Variants in CTSB observed in about 807,000 individuals in gnomAD.
CTSB encodes APP secretase.
CTSB carries 57 observed loss-of-function variants against 44.3 expected under a neutral mutation model. The observed-to-expected ratio is 1.29, with a 90% CI of 1.04 to 1.60. The LOEUF is 1.60. Ranked by LOEUF, CTSB falls within the 40% of genes most tolerant of loss-of-function variation. The pLI, the probability that CTSB is intolerant of heterozygous loss-of-function variation, is 0.00. For synonymous variants in CTSB, 320 were observed against 168.0 expected, an observed-to-expected ratio of 1.91 and a Z score of -7.00; for missense variants, 768 against 443.0, an observed-to-expected ratio of 1.73 and a Z score of -6.59.
In CTSB at chr8:11,847,533, G is replaced by T. The variant is rs1176779478; in HGVS notation, c.676+146C>A. ...AGTGGAGAGTGTGCTGCTTCTCCTG[G>T]CAAGAGGGCATCACTCCCCCTCCTC... On this transcript the variant is annotated intron_variant, in intron 7 of 9. Transcript: ENST00000353047. 4.6e-6 allele frequency: 4 copies of T among 871,068 alleles called. No homozygotes were observed. In the African/African-American group the frequency reaches 5.1e-5, roughly 11 times the overall value. The allele number at this position is 871,068 out of a possible 1,614,324, so 54.0% of individuals were successfully genotyped here.
rs749555363 is a variant in CTSB at position 11,843,619 on chromosome 8, G to C, written c.*1506C>G. On this transcript the variant is annotated 3_prime_UTR_variant, in exon 10 of 10. Transcript: ENST00000353047. ...CTGACTCCAGCCCAAACCAAGGCTG[G>C]AGGGCATCCAGGGGGATGTGGTTCC... is the stretch of plus-strand genomic sequence containing the variant. 1 of 152,252 alleles carries C rather than the reference G, an allele frequency of 6.6e-6. No individual in the cohort carries two copies. Among genetic ancestry groups the C allele is most frequent in the Admixed American group, 6.5e-5 (1 of 15,294 alleles). The allele number at this position is 152,252 out of a possible 1,614,324, so 9.4% of individuals were successfully genotyped here.
intron 1 of CTSB, among the ~76,000 whole-genome samples, chr8:11,860,199 T>C (rs1051808185): frequency 1.3e-5 from 2 of 152,192 alleles, no homozygotes; most frequent in Non-Finnish European, 2.9e-5. Context: ...ATAAGCCAAG[T>C]TGCTAGCTCC....
intron 9 of CTSB, 57 bp downstream of exon 9, chr8:11,845,604 G>T: frequency 6.3e-7 from 1 of 1,583,976 alleles, no homozygotes; most frequent in Admixed American, 1.7e-5. Context: ...AGCCGAGATG[G>T]CCACGGGGTG....
intron 1 of CTSB, among the ~76,000 whole-genome samples, chr8:11,866,721 G>A (rs568630810): frequency 1.7e-4 from 26 of 152,288 alleles, no homozygotes; most frequent in Admixed American, 1.3e-3. Context: ...TTAGCTGGGC[G>A]TGGTGGCGGG....
chr8:11,845,373 C>G, intron 9 of CTSB, 151 bp from the exon 10 acceptor site: 1 of 680,316 alleles, frequency 1.5e-6, no homozygotes, highest in Non-Finnish European at 2.5e-6. Flanking sequence ...GCTTCTGGAG[C>G]CGTGGGGCAC....
chr8:11,862,787 C>G (rs1816622448), intron 1 of CTSB, among the ~76,000 whole-genome samples: 1 of 152,286 alleles, frequency 6.6e-6, no homozygotes, highest in South Asian at 2.1e-4. Flanking sequence ...GGTCATGAGA[C>G]AGCCCGGCCC....
intron 1 of CTSB, chr8:11,867,434 C>T (rs764049939): frequency 2.6e-5 from 4 of 152,328 alleles, no homozygotes; most frequent in Non-Finnish European, 5.9e-5. Context: ...CCCCAGCCCA[C>T]CCAGTGCCAG....
In CTSB at chr8:11,847,067, G is replaced by A. The variant is rs748764371; in HGVS notation, c.778C>T (p.Leu260=). The change falls in exon 8 of 10, where the codon CTG becomes TTG. Residue 260 remains leucine, a synonymous_variant. Coordinates refer to ENST00000353047, the MANE Select transcript of CTSB (RefSeq NM_001908.5). ...EGAFSVYSDF[L]LYKSGVYQHV... The stretch of plus-strand genomic sequence containing the variant: ...CAGCACGCACCTGACTTGTAGAGCA[G>A]GAAGTCCGAATACACAGAGAAAGCT... 36 of 1,602,964 alleles carry A rather than the reference G, an allele frequency of 2.2e-5. No individual in the cohort carries two copies. The highest frequency in any genetic ancestry group is 3.0e-5 in the Non-Finnish European group (35 of 1,170,290).
chr8:11,849,929 G>C (rs566563672), intron 4 of CTSB: 2 of 152,230 alleles, frequency 1.3e-5, no homozygotes, highest in African/African-American at 4.8e-5. Flanking sequence ...AATAAATACT[G>C]TTGTGATCCA....
intron 7 of CTSB, 81 bp from the exon 8 acceptor site, chr8:11,847,249 T>C: frequency 1.1e-6 from 1 of 880,864 alleles, no homozygotes; most frequent in Non-Finnish European, 1.9e-6. Context: ...GTCACTGATT[T>C]CTGGTGGCCT....
intron 1 of CTSB, chr8:11,865,564 G>C (rs918441714): frequency 6.7e-6 from 1 of 149,522 alleles, no homozygotes; most frequent in Non-Finnish European, 1.5e-5. Context: ...CTCCAGCCTG[G>C]GTGAGAGAGT....
chr8:11,865,484 G>C (rs966271254), intron 1 of CTSB: 6 of 145,288 alleles, frequency 4.1e-5, no homozygotes, highest in African/African-American at 1.3e-4. Context: ...AGCTAGTTGA[G>C]AGACTGAGGC....
chr8:11,860,416 G>C (rs1306601962), intron 1 of CTSB, among the ~76,000 whole-genome samples: 3 of 152,200 alleles, frequency 2.0e-5, no homozygotes, highest in Non-Finnish European at 2.9e-5. Context: ...GAGGTCAGGA[G>C]TTCGAGACCA....
intron 1 of CTSB, chr8:11,861,426 C>G (rs1563430825): frequency 6.6e-6 from 1 of 152,448 alleles, no homozygotes; most frequent in Non-Finnish European, 1.5e-5. Flanking sequence ...TCTATGCAAA[C>G]CAGGTACTGC....
rs1812612447 is a variant in CTSB, at chr8:11,843,360, A to G, written c.*1765T>C. ...TGGTTCCTAAATTCTGAGTCACATC[A>G]GAAGCCAAACTTGAATGCTTTTGGA... On this transcript the variant is annotated 3_prime_UTR_variant, in exon 10 of 10. Coordinates refer to ENST00000353047, the MANE Select transcript of CTSB (RefSeq NM_001908.5). 1 of 152,222 alleles carries G rather than the reference A, an allele frequency of 6.6e-6. No individual in the cohort carries two copies. The highest frequency in any genetic ancestry group is 2.4e-5 in the African/African-American group (1 of 41,466). The allele number at this position is 152,222 out of a possible 1,614,324, so 9.4% of individuals were successfully genotyped here.
At chr8:11,856,075 G>C (rs55794022) in intron 1 of CTSB, among the ~76,000 whole-genome samples, 2 of 152,014 alleles carry the variant, frequency 1.3e-5, no homozygotes, top group African/African-American at 2.4e-5. Flanking sequence ...GGGAGGTGCA[G>C]ATAAAATCAA....
chr8:11,863,462 A>C (rs575107043), intron 1 of CTSB, among the ~76,000 whole-genome samples: 2 of 152,238 alleles, frequency 1.3e-5, no homozygotes, highest in Admixed American at 6.5e-5. Flanking sequence ...CGTTTCAAAA[A>C]AAAAACAAAA....
intron 5 of CTSB, 91 bp from the exon 6 acceptor site, chr8:11,848,243 G>A (rs755858214): frequency 2.1e-5 from 24 of 1,120,658 alleles, no homozygotes; most frequent in Admixed American, 1.2e-4. Flanking sequence ...GAGGCCACTC[G>A]TGGACCCACC....
rs1813634674 is a variant in CTSB at position 11,847,563 on chromosome 8, C to G, written c.676+116G>C. On this transcript the variant is annotated intron_variant, in intron 7 of 9. Coordinates refer to ENST00000353047, the MANE Select transcript of CTSB (RefSeq NM_001908.5). ...AGGGCATCACTCCCCCTCCTCTATC[C>G]TAGAGTTCCGGGACCCCAAGGCTCC... 6 of 1,184,148 alleles carry G rather than the reference C, an allele frequency of 5.1e-6. No individual in the cohort carries two copies. In the African/African-American group the frequency reaches 6.2e-5, roughly 12 times the overall value. 73.4% of individuals were successfully genotyped at this position (1,184,148 alleles called of 1,614,324 possible).
Sources: allele counts gnomAD v4.1 joint callset (sites outside exome capture counted in the v4.1 genomes callset), GRCh38; gene constraint gnomAD v4.1.1; transcripts MANE v1.5; gene names NCBI Gene and HGNC (gene_info 2026-07-23, HGNC 2026-07-21).